Variants in PLCB4 observed in about 807,000 individuals in gnomAD.
PLCB4 encodes 1-phosphatidylinositol 4,5-bisphosphate phosphodiesterase beta-4.
A neutral mutation model predicts 178.8 loss-of-function variants in PLCB4; 77 were observed. That is an observed-to-expected ratio of 0.43 (90% confidence interval 0.36 to 0.52). The LOEUF (loss-of-function observed/expected upper bound fraction) is 0.52, where lower values mean the gene tolerates loss of function less well. Among genes scored for constraint, PLCB4 ranks in the 20% least tolerant of loss-of-function variants. The pLI is 0.00. For missense variants in PLCB4, 1,024 were observed against 1,453.4 expected (o/e 0.70, Z 4.80); for synonymous variants, 496 against 490.8 (o/e 1.01, Z -0.14).
intron 33 of PLCB4, 132 bp from the exon 34 acceptor site, chr20:9,457,282 T>A (rs2122385716): frequency 1.5e-6 from 1 of 649,596 alleles, no homozygotes; most frequent in Non-Finnish European, 2.8e-6. Context: ...GAAAGACCAG[T>A]GTTGCCCAAT....
At chr20:9,259,703 A>G (rs541004582) in intron 3 of PLCB4, among the ~76,000 whole-genome samples, 1 of 152,264 alleles carries the variant, frequency 6.6e-6, no homozygotes, top group African/African-American at 2.4e-5. Flanking sequence ...TCAACCCAGC[A>G]TCCCAACCAT....
intron 32 of PLCB4, among the ~76,000 whole-genome samples, chr20:9,451,954 C>T (rs965323482): frequency 4.6e-5 from 7 of 152,190 alleles, no homozygotes; most frequent in African/African-American, 1.4e-4. Context: ...CAAAGGTGCA[C>T]ACACATTGGT....
intron 2 of PLCB4, among the ~76,000 whole-genome samples, chr20:9,187,143 AT>A (rs950458548): frequency 1.4e-3 from 198 of 144,254 alleles, no homozygotes; most frequent in Admixed American, 3.2e-3. Context: ...TAATTTTTGT[AT>A]TTTTTTTTTT....
intron 7 of PLCB4, among the ~76,000 whole-genome samples, chr20:9,347,672 T>A (rs1406329883): frequency 1.3e-5 from 2 of 152,194 alleles, no homozygotes; most frequent in African/African-American, 4.8e-5. Context: ...AGTCACTTTC[T>A]CTTATAAGAC....
intron 21 of PLCB4, among the ~76,000 whole-genome samples, chr20:9,407,207 TGA>T (rs1416580541): frequency 6.6e-6 from 1 of 152,176 alleles, no homozygotes; most frequent in Non-Finnish European, 1.5e-5. Context: ...ACAGAAACTC[TGA>T]GTGTGGGGCC....
intron 7 of PLCB4, among the ~76,000 whole-genome samples, chr20:9,347,215 AG>A (rs906830644): frequency 1.3e-5 from 2 of 152,138 alleles, no homozygotes; most frequent in Non-Finnish European, 2.9e-5. Flanking sequence ...TACGCTGTTG[AG>A]GGGGGCACTT....
chr20:9,238,784 A>G (rs376865731), intron 3 of PLCB4, among the ~76,000 whole-genome samples: 2 of 152,242 alleles, frequency 1.3e-5, no homozygotes, highest in South Asian at 2.1e-4. Context: ...TGGATAGCCA[A>G]TTGGGCTGGA....
chr20:9,363,915 T>C (rs773677493), intron 8 of PLCB4, among the ~76,000 whole-genome samples: 5 of 152,370 alleles, frequency 3.3e-5, no homozygotes, highest in South Asian at 2.1e-4. Flanking sequence ...CTTCTGGTCA[T>C]TGTGGCAGGT....
intron 3 of PLCB4, among the ~76,000 whole-genome samples, chr20:9,237,446 G>T (rs1000823877): frequency 6.6e-6 from 1 of 152,200 alleles, no homozygotes; most frequent in Non-Finnish European, 1.5e-5. Flanking sequence ...ACTTTTTCTA[G>T]TAGGAGCTTG....
At chr20:9,317,725 C>T (rs2094914490) in intron 4 of PLCB4, among the ~76,000 whole-genome samples, 1 of 152,134 alleles carries the variant, frequency 6.6e-6, no homozygotes, top group Admixed American at 6.5e-5. Context: ...AAAATATGGG[C>T]AATTAAATTA....
chr20:9,342,119 A>G (rs2033277038), intron 7 of PLCB4, among the ~76,000 whole-genome samples: 1 of 152,154 alleles, frequency 6.6e-6, no homozygotes, highest in Admixed American at 6.5e-5. Context: ...AAAACTTAAA[A>G]TAACCATATT....
At chr20:9,234,971 G>A (rs2093977713) in intron 3 of PLCB4, among the ~76,000 whole-genome samples, 1 of 152,190 alleles carries the variant, frequency 6.6e-6, no homozygotes. Flanking sequence ...TACTGCAGTT[G>A]CTTAGTAGAG....
chr20:9,317,839 C>G (rs1310947401), intron 4 of PLCB4, among the ~76,000 whole-genome samples: 1 of 152,224 alleles, frequency 6.6e-6, no homozygotes, highest in African/African-American at 2.4e-5. Flanking sequence ...TGGCTCACGC[C>G]TGTAATCCCA....
intron 2 of PLCB4, among the ~76,000 whole-genome samples, chr20:9,108,966 T>C (rs2091478595): frequency 6.6e-6 from 1 of 151,668 alleles, no homozygotes; most frequent in Non-Finnish European, 1.5e-5. Flanking sequence ...GTAGGTTGCA[T>C]AGGAAAAACC....
At chr20:9,434,519 G>T (rs562181139) in intron 28 of PLCB4, among the ~76,000 whole-genome samples, 71 of 152,180 alleles carry the variant, frequency 4.7e-4, no homozygotes, top group African/African-American at 1.7e-3. Flanking sequence ...GAGATTACAG[G>T]CATGCGCCAC....
chr20:9,071,728 G>A (rs1290738676), intron 1 of PLCB4, among the ~76,000 whole-genome samples: 2 of 152,126 alleles, frequency 1.3e-5, no homozygotes, highest in Non-Finnish European at 2.9e-5. Context: ...CTTAGGTAAT[G>A]TAAGAAAGAT....
In PLCB4 at chr20:9,401,516, G is replaced by A; in HGVS notation, c.1537G>A (p.Glu513Lys). 1 of 1,613,696 alleles carries A rather than the reference G, an allele frequency of 6.2e-7. No homozygotes were observed. Among genetic ancestry groups the A allele is most frequent in the Non-Finnish European group, 8.5e-7 (1 of 1,179,738 alleles). ...SADQEEEAHP[E>K]FKFGNELSAD... is the part of the protein sequence containing the mutation. ...TGACCAAGAGGAGGAAGCTCACCCC[G>A]AATTCAAATTTGGAAATGAACTTTC... Residue 513 changes from glutamate to lysine, a missense_variant, in exon 20 of 40, where the codon GAA becomes AAA. Transcript: ENST00000378473.
intron 3 of PLCB4, among the ~76,000 whole-genome samples, chr20:9,241,710 G>A (rs141913748): frequency 1.3e-5 from 2 of 152,306 alleles, no homozygotes; most frequent in African/African-American, 4.8e-5. Flanking sequence ...GCAGGCAGGA[G>A]CCTTGACAAA....
At chr20:9,450,956 A>T (rs923244283) in intron 32 of PLCB4, among the ~76,000 whole-genome samples, 1 of 152,216 alleles carries the variant, frequency 6.6e-6, no homozygotes, top group South Asian at 2.1e-4. Flanking sequence ...GCCCTAACTC[A>T]GTTTTCTAAT....
Sources: allele counts gnomAD v4.1 joint callset (sites outside exome capture counted in the v4.1 genomes callset), GRCh38; gene constraint gnomAD v4.1.1; transcripts MANE v1.5; gene names NCBI Gene and HGNC (gene_info 2026-07-23, HGNC 2026-07-21).